Variants in TENM2 observed in about 807,000 individuals in gnomAD.
TENM2 encodes teneurin-2.
In TENM2, 52 loss-of-function variants were observed where a neutral mutation model predicts 245.2. That is an observed-to-expected ratio of 0.21 (90% CI 0.17 to 0.27). The LOEUF (loss-of-function observed/expected upper bound fraction) is 0.27, where lower values mean the gene tolerates loss of function less well. Among genes scored for constraint, TENM2 ranks in the 10% least tolerant of loss-of-function variants. TENM2 has a pLI of 1.00. For synonymous variants in TENM2, 1,363 were observed against 1,438.9 expected (o/e 0.95, Z 1.19); for missense variants, 3,046 against 3,666.8 (o/e 0.83, Z 4.37).
chr5:167,630,812 TA>T (rs1404530541), intron 2 of TENM2, among the ~76,000 whole-genome samples: 1 of 152,218 alleles, frequency 6.6e-6, no homozygotes. Context: ...TACTTGGAGC[TA>T]TATCTGTGCA....
At chr5:168,214,359 C>G (rs768836242) in intron 20 of TENM2, among the ~76,000 whole-genome samples, 2 of 152,232 alleles carry the variant, frequency 1.3e-5, no homozygotes, top group Admixed American at 6.5e-5. Flanking sequence ...CCGTGGCTCA[C>G]GCCTGTGACC....
At chr5:167,596,398 C>A (rs1020544762) in intron 2 of TENM2, among the ~76,000 whole-genome samples, 7 of 152,146 alleles carry the variant, frequency 4.6e-5, no homozygotes, top group Admixed American at 6.5e-5. Flanking sequence ...CCCTACAAAC[C>A]CTCAGTTCCA....
intron 2 of TENM2, among the ~76,000 whole-genome samples, chr5:167,535,861 C>T (rs1031287555): frequency 6.6e-5 from 10 of 152,174 alleles, no homozygotes; most frequent in African/African-American, 1.9e-4. Context: ...AGAATTAGAG[C>T]TCACAAATCA....
intron 2 of TENM2, among the ~76,000 whole-genome samples, chr5:167,635,032 A>G (rs2150228129): frequency 6.6e-6 from 1 of 152,312 alleles, no homozygotes; most frequent in African/African-American, 2.4e-5. Context: ...TACAGGCTTA[A>G]ATATTGACTT....
At chr5:167,334,080 T>C (rs1344068367) in intron 1 of TENM2, among the ~76,000 whole-genome samples, 1 of 152,170 alleles carries the variant, frequency 6.6e-6, no homozygotes, top group East Asian at 1.9e-4. Flanking sequence ...GTGCCAGATA[T>C]TATAAGTGCT....
At chr5:167,219,047 A>G in the TENM2 span, among the ~76,000 whole-genome samples, 3 of 152,208 alleles carry the variant, frequency 2.0e-5, no homozygotes, top group Non-Finnish European at 2.9e-5. Flanking sequence ...CTGTCTGTCA[A>G]ATCAGAAACA....
chr5:166,993,799 T>C, the TENM2 span, among the ~76,000 whole-genome samples: 1 of 152,302 alleles, frequency 6.6e-6, no homozygotes, highest in East Asian at 1.9e-4. Flanking sequence ...CGACACAATT[T>C]CGGGAGGATA....
chr5:167,460,589 T>C, intron 2 of TENM2, among the ~76,000 whole-genome samples: 1 of 141,360 alleles, frequency 7.1e-6, no homozygotes, highest in East Asian at 2.3e-4. Context: ...TTTTTAGAAA[T>C]AATGGCAAAA....
intron 3 of TENM2, among the ~76,000 whole-genome samples, chr5:167,932,284 C>G (rs888874088): frequency 6.6e-6 from 1 of 152,088 alleles, no homozygotes; most frequent in African/African-American, 2.4e-5. Context: ...TGGCTTTTCT[C>G]CTCAGTTGTG....
intron 2 of TENM2, among the ~76,000 whole-genome samples, chr5:167,487,305 AG>A (rs1163703753): frequency 2.0e-5 from 3 of 152,188 alleles, no homozygotes; most frequent in Non-Finnish European, 4.4e-5. Flanking sequence ...AGACAACAAA[AG>A]GCCTTTAATC....
At chr5:168,215,103 C>T (rs374938311) in exon 21 of TENM2, 52 of 1,613,650 alleles carry the variant, frequency 3.2e-5, no homozygotes, top group African/African-American at 1.2e-4. Context: ...TCTACGTGTC[C>T]GACACCAACA....
intron 5 of TENM2, among the ~76,000 whole-genome samples, chr5:168,040,471 C>T (rs1290115160): frequency 6.6e-6 from 1 of 152,122 alleles, no homozygotes; most frequent in African/African-American, 2.4e-5. Flanking sequence ...TGCACAAATC[C>T]CATTACCGTT....
At chr5:167,848,292 A>G (rs1228269415) in intron 2 of TENM2, among the ~76,000 whole-genome samples, 1 of 152,146 alleles carries the variant, frequency 6.6e-6, no homozygotes, top group Non-Finnish European at 1.5e-5. Context: ...TGAAAACCCA[A>G]GTGTCCATAA....
chr5:167,758,456 A>G (rs962624952), intron 2 of TENM2, among the ~76,000 whole-genome samples: 1 of 151,936 alleles, frequency 6.6e-6, no homozygotes, highest in Non-Finnish European at 1.5e-5. Context: ...GGCACTTCCT[A>G]CCAGCTTGGA....
intron 11 of TENM2, among the ~76,000 whole-genome samples, chr5:168,125,584 G>C (rs760629665): frequency 2.6e-5 from 4 of 152,080 alleles, no homozygotes; most frequent in Non-Finnish European, 4.4e-5. Flanking sequence ...CAACCTTCCT[G>C]AGAAAGGTTC....
chr5:168,193,591 T>A (rs1761136868), intron 14 of TENM2, among the ~76,000 whole-genome samples: 1 of 152,220 alleles, frequency 6.6e-6, no homozygotes, highest in Non-Finnish European at 1.5e-5. Context: ...CTCCTGTTAT[T>A]CCTATGGCAC....
intron 2 of TENM2, among the ~76,000 whole-genome samples, chr5:167,841,289 T>G (rs139330427): frequency 1.6e-3 from 244 of 152,294 alleles, no homozygotes; most frequent in African/African-American, 5.5e-3. Context: ...GAACCTGACC[T>G]CAGGTGATCT....
chr5:167,321,342 G>T (rs1469289737), intron 1 of TENM2, among the ~76,000 whole-genome samples: 2 of 152,180 alleles, frequency 1.3e-5, no homozygotes, highest in African/African-American at 4.8e-5. Context: ...CATTCCTGAA[G>T]CTTCTCTCTC....
rs113357921 is a variant in TENM2 at position 167,334,367 on chromosome 5, A to G, written c.227-40831A>G. 7.1e-3 allele frequency among the ~76,000 whole-genome samples: 1,084 copies of G among 152,348 alleles called. 5 individuals are homozygous for G. Among genetic ancestry groups the G allele is most frequent in the Non-Finnish European group, 0.013 (858 of 68,024 alleles). On this transcript the variant is annotated intron_variant, in intron 1 of 28. Coordinates refer to ENST00000518659, the Ensembl canonical transcript of TENM2. Reference sequence around the variant, plus strand: ...AAAATTTTCTTAAAATATGCCTTCAATGTTCCTGTTGAAAGAATTTGCCTT... The same window carrying G: ...AAAATTTTCTTAAAATATGCCTTCAGTGTTCCTGTTGAAAGAATTTGCCTT...
Sources: gnomAD v4.1 joint callset for allele counts (sites outside exome capture counted in the v4.1 genomes callset) on GRCh38, gnomAD v4.1.1 for gene constraint, MANE v1.5 for transcripts, NCBI Gene and HGNC (gene_info 2026-07-23, HGNC 2026-07-21) for gene names.